STS: variants seen among roughly 807,000 people sequenced by gnomAD.
The protein encoded by STS is steroid sulfatase.
A neutral mutation model predicts 26.8 loss-of-function variants in STS; 7 were observed. That is an observed-to-expected ratio of 0.26 (90% CI 0.15 to 0.49). The LOEUF (loss-of-function observed/expected upper bound fraction) is 0.49. STS is among the 20% of genes least tolerant of loss of function. The pLI, the probability that STS is intolerant of heterozygous loss-of-function variation, is 0.98. For missense variants in STS, 434 were observed against 465.6 expected (o/e 0.93, Z 0.63); for synonymous variants, 199 against 189.4 (o/e 1.05, Z -0.42).
At position 7,350,535 on chromosome X, in the gene STS, G is replaced by A. The variant is rs1309795449; in HGVS notation, c.*274G>A. On this transcript the variant is annotated 3_prime_UTR_variant, in exon 11 of 11. Coordinates refer to ENST00000674429, the MANE Select transcript of STS (RefSeq NM_001320752.2). ...CTCATGGAAATAGAATGAATAGAGG[G>A]GCATTCACAAGGCACACCAGTGCAA... is the stretch of plus-strand genomic sequence containing the variant. 2.7e-6 allele frequency: 1 copy of A among 367,893 alleles called. No homozygotes were observed. Among genetic ancestry groups the A allele is most frequent in the African/African-American group, 2.6e-5 (1 of 38,706 alleles). 30.3% of individuals were successfully genotyped at this position (367,893 alleles called of 1,213,427 possible). A position where few individuals can be genotyped will look rare whatever the true frequency, so the allele number is the denominator to read the frequency against.
intron 10 of STS, among the ~76,000 whole-genome samples, chrX:7,343,833 T>G (rs745609407): frequency 7.1e-5 from 8 of 112,298 alleles, no homozygotes; most frequent in Non-Finnish European, 1.5e-4. Context: ...CAAATGCTCT[T>G]TTCTAAAGAC....
chrX:7,152,044 T>C (rs866953766), intron 1 of STS, among the ~76,000 whole-genome samples: 4 of 111,151 alleles, frequency 3.6e-5, no homozygotes, highest in East Asian at 2.8e-4. Context: ...GCTCCGCCTC[T>C]CGGGTTCACG....
chrX:7,150,689 A>G (rs1462758727), intron 1 of STS, among the ~76,000 whole-genome samples: 1 of 109,746 alleles, frequency 9.1e-6, no homozygotes, highest in East Asian at 2.8e-4. Context: ...TATTTTCTAC[A>G]CTTTTCAGTA....
chrX:7,254,029 A>G lies in STS; in HGVS notation c.137+693A>G, dbSNP rs753431137. ...GGAGGGAGCTCTCTGGGTCCCTTTT[A>G]TAAGGTCATAAATCCCATTTACAGG... On this transcript the variant is annotated intron_variant, in intron 3 of 10. Transcript: ENST00000674429. Among the ~76,000 whole-genome samples, 143 of 111,802 alleles carry G rather than the reference A, an allele frequency of 1.3e-3. 1 individual carries two copies. The highest frequency in any genetic ancestry group is 9.4e-4 in the Non-Finnish European group (50 of 53,155).
intron 10 of STS, among the ~76,000 whole-genome samples, chrX:7,343,442 A>T (rs1323376690): frequency 1.8e-5 from 2 of 112,487 alleles, no homozygotes; most frequent in African/African-American, 6.5e-5. Context: ...TAACTCATGT[A>T]TAGTCTCTAC....
chrX:7,239,067 T>C (rs1203745763), intron 2 of STS, among the ~76,000 whole-genome samples: 1 of 111,525 alleles, frequency 9.0e-6, no homozygotes, highest in Admixed American at 9.6e-5. Context: ...ATTGATTGTA[T>C]TGAGAAATAC....
chrX:7,254,577 C>CTTTTTTTTT (rs34965003), intron 3 of STS, among the ~76,000 whole-genome samples: 1 of 73,072 alleles, frequency 1.4e-5, no homozygotes, highest in Non-Finnish European at 2.6e-5. Flanking sequence ...TTTTCTTCTT[C>CTTTTTTTTT]TTTTTTTTTT....
chrX:7,249,763 T>C lies in STS; in HGVS notation c.-4-3433T>C, dbSNP rs1382082627. The stretch of plus-strand genomic sequence containing the variant: ...AATTCATTGAATCTCTCTGGGTCTT[T>C]GTTTTCCCTTCTAAAAGTAAGAGAA... On this transcript the variant is annotated intron_variant, in intron 2 of 10. Transcript: ENST00000674429. 3.6e-5 allele frequency among the ~76,000 whole-genome samples: 4 copies of C among 111,532 alleles called. No homozygotes were observed. In the East Asian group the frequency reaches 1.1e-3, roughly 31 times the overall value.
In STS at chrX:7,353,817, A is replaced by G. The variant is rs1386376112; in HGVS notation, c.*3556A>G. 9.0e-6 allele frequency: 1 copy of G among 111,596 alleles called. No individual in the cohort carries two copies. Among genetic ancestry groups the G allele is most frequent in the Non-Finnish European group, 1.9e-5 (1 of 53,120 alleles). The allele number at this position is 111,596 out of a possible 1,213,427, so 9.2% of individuals were successfully genotyped here. A position where few individuals can be genotyped will look rare whatever the true frequency, so the allele number is the denominator to read the frequency against. On this transcript the variant is annotated 3_prime_UTR_variant, in exon 11 of 11. Transcript: ENST00000674429. ...AGGGAGCCGACATGCCCGGGAGGAAAGGTGTTGATTACATGGATACTTCTA... is the reference window on the plus strand; with the variant it reads ...AGGGAGCCGACATGCCCGGGAGGAAGGGTGTTGATTACATGGATACTTCTA...
chrX:7,229,565 A>C (rs1317558548), intron 2 of STS, among the ~76,000 whole-genome samples: 1 of 110,692 alleles, frequency 9.0e-6, no homozygotes, highest in Non-Finnish European at 1.9e-5. Flanking sequence ...GCTTCCCTGC[A>C]CTGCCTCACT....
At chrX:7,173,508 A>G in intron 1 of STS, among the ~76,000 whole-genome samples, 2 of 112,187 alleles carry the variant, frequency 1.8e-5, no homozygotes, top group Middle Eastern at 4.6e-3. Flanking sequence ...TCTTTGAGGA[A>G]TCACCACACT....
At chrX:7,219,510 T>G in intron 2 of STS, 1 of 1,157,968 alleles carries the variant, frequency 8.6e-7, no homozygotes, top group Non-Finnish European at 1.2e-6. Context: ...GTAGTGAGGT[T>G]GCAGTGATTG....
intron 6 of STS, among the ~76,000 whole-genome samples, chrX:7,267,014 C>G (rs1401962758): frequency 8.9e-6 from 1 of 112,175 alleles, no homozygotes; most frequent in Non-Finnish European, 1.9e-5. Context: ...AGCTGAAATC[C>G]TTTGAATGAA....
At chrX:7,324,291 G>C (rs375486829) in intron 8 of STS, among the ~76,000 whole-genome samples, 3 of 110,626 alleles carry the variant, frequency 2.7e-5, no homozygotes, top group Non-Finnish European at 5.7e-5. Context: ...GTTAAAATAA[G>C]GGGGTTGTGG....
intron 7 of STS, 115 bp from the exon 8 acceptor site, chrX:7,304,931 A>G (rs1268822634): frequency 3.3e-6 from 3 of 900,976 alleles, no homozygotes; most frequent in Non-Finnish European, 4.8e-6. Flanking sequence ...AAACTCCAAT[A>G]TGTAAGAACG....
At chrX:7,182,174 A>G (rs1428615509) in intron 1 of STS, among the ~76,000 whole-genome samples, 2 of 111,852 alleles carry the variant, frequency 1.8e-5, no homozygotes, top group Non-Finnish European at 3.8e-5. Context: ...GGCTTTATCT[A>G]TCAATCATAG....
chrX:7,324,008 C>A (rs1261692133), intron 8 of STS, among the ~76,000 whole-genome samples: 1 of 112,000 alleles, frequency 8.9e-6, no homozygotes, highest in Non-Finnish European at 1.9e-5. Context: ...GAGATTCATT[C>A]TGAGCCAAGT....
At chrX:7,262,522 CT>C (rs1470643290) in intron 6 of STS, among the ~76,000 whole-genome samples, 9 of 112,088 alleles carry the variant, frequency 8.0e-5, no homozygotes, top group Admixed American at 6.6e-4. Flanking sequence ...GATTTTCCTA[CT>C]GCAAACAGTG....
chrX:7,342,121 T>G (rs1486121708), intron 10 of STS, among the ~76,000 whole-genome samples: 28 of 111,780 alleles, frequency 2.5e-4, no homozygotes, highest in Admixed American at 2.3e-3. Context: ...CCCCAACAAT[T>G]TTTATTGGGC....
Sources: allele counts gnomAD v4.1 joint callset (sites outside exome capture counted in the v4.1 genomes callset), GRCh38; gene constraint gnomAD v4.1.1; transcripts MANE v1.5; gene names NCBI Gene and HGNC (gene_info 2026-07-23, HGNC 2026-07-21).